GPBP1L1: variants seen among roughly 807,000 people sequenced by gnomAD.
The protein encoded by GPBP1L1 is GC-rich promoter binding protein 1 like 1.
In GPBP1L1, 23 loss-of-function variants were observed where a neutral mutation model predicts 52.5. The ratio of observed to expected loss-of-function variants is 0.44; its 90% CI spans 0.32 to 0.62. The LOEUF (loss-of-function observed/expected upper bound fraction) is 0.62, where lower values mean the gene tolerates loss of function less well. Among genes scored for constraint, GPBP1L1 ranks in the 20% least tolerant of loss-of-function variants. The pLI, the probability that GPBP1L1 is intolerant of heterozygous loss-of-function variation, is 0.06. For synonymous variants in GPBP1L1, 243 were observed against 203.1 expected (o/e 1.20, Z -1.67); for missense variants, 596 against 579.3 (o/e 1.03, Z -0.30).
chr1:45,646,691 A>G (rs375071753), intron 6 of GPBP1L1, among the ~76,000 whole-genome samples: 5 of 151,606 alleles, frequency 3.3e-5, no homozygotes, highest in East Asian at 1.9e-4. Context: ...CCGAGTAGCT[A>G]GGACTACAGG....
At position 45,653,699 on chromosome 1, in the gene GPBP1L1, T is replaced by TTCC. The variant is rs1255938541; in HGVS notation, c.477+843_477+844insGGA. ...GATTTGTTAAAATGATAATCTTTTT[T>TTCC]TTCTTTTTTTTTTTTTTGAGACAGA... On this transcript the variant is annotated intron_variant, in intron 6 of 12. Coordinates refer to ENST00000355105, the MANE Select transcript of GPBP1L1 (RefSeq NM_021639.5). Among the ~76,000 whole-genome samples, 15 of 132,632 alleles carry TTCC rather than the reference T, an allele frequency of 1.1e-4. 2 individuals are homozygous for TTCC. The highest frequency in any genetic ancestry group is 2.6e-4 in the South Asian group (1 of 3,910). 87.0% of individuals were successfully genotyped at this position (132,632 alleles called of 152,430 possible).
chr1:45,664,536 G>A (rs545319543), intron 2 of GPBP1L1, among the ~76,000 whole-genome samples: 7 of 152,262 alleles, frequency 4.6e-5, no homozygotes, highest in East Asian at 3.9e-4. Context: ...CTGCACTCCA[G>A]CTTGGGTGAC....
chr1:45,654,324 A>G, intron 6 of GPBP1L1: 1 of 421,118 alleles, frequency 2.4e-6, no homozygotes, highest in East Asian at 3.7e-5. Flanking sequence ...TCTAAATTCC[A>G]AAGACACAAA....
At chr1:45,631,635 T>C (rs932851270) in intron 10 of GPBP1L1, among the ~76,000 whole-genome samples, 2 of 152,138 alleles carry the variant, frequency 1.3e-5, no homozygotes, top group Non-Finnish European at 2.9e-5. Context: ...TCAAGAGAAT[T>C]AAAAGACAGT....
chr1:45,653,642 G>A (rs1420686724), intron 6 of GPBP1L1, among the ~76,000 whole-genome samples: 1 of 151,950 alleles, frequency 6.6e-6, no homozygotes, highest in African/African-American at 2.4e-5. Flanking sequence ...TTACAGGCAT[G>A]AGCCACTATG....
intron 6 of GPBP1L1, among the ~76,000 whole-genome samples, chr1:45,644,872 C>T (rs1047109443): frequency 6.6e-6 from 1 of 152,174 alleles, no homozygotes; most frequent in South Asian, 2.1e-4. Flanking sequence ...TAGTATACTT[C>T]CATAAATAGG....
chr1:45,642,347 A>C, intron 7 of GPBP1L1, 80 bp downstream of exon 7: 1 of 895,806 alleles, frequency 1.1e-6, no homozygotes, highest in Non-Finnish European at 1.9e-6. Flanking sequence ...AGAGATAAAA[A>C]GAGATAAGGA....
chr1:45,655,356 T>C (rs568592468), intron 4 of GPBP1L1, 37 bp from the exon 5 acceptor site: 17 of 1,609,454 alleles, frequency 1.1e-5, no homozygotes, highest in East Asian at 8.9e-5. Context: ...AATGGATAAA[T>C]AGCTATTAGT....
intron 2 of GPBP1L1, among the ~76,000 whole-genome samples, chr1:45,680,559 A>T (rs569417225): frequency 8.6e-5 from 13 of 151,478 alleles, no homozygotes; most frequent in South Asian, 4.2e-4. Flanking sequence ...TTTTTTTTTT[A>T]AAAAGAATCA....
intron 2 of GPBP1L1, among the ~76,000 whole-genome samples, chr1:45,668,850 A>ACAG (rs1308056493): frequency 1.3e-5 from 2 of 151,842 alleles, no homozygotes; most frequent in Non-Finnish European, 2.9e-5. Context: ...GTGGGCGCCT[A>ACAG]CTTGGGAGGC....
chr1:45,672,133 C>T (rs1159610053), intron 2 of GPBP1L1, among the ~76,000 whole-genome samples: 2 of 152,138 alleles, frequency 1.3e-5, no homozygotes, highest in Non-Finnish European at 1.5e-5. Context: ...GAGGCCAAGG[C>T]AGGCAAATCA....
At position 45,686,475 on chromosome 1, in the gene GPBP1L1, T is replaced by C. The variant is rs1645287323; in HGVS notation, c.-1206A>G. ...CGTCTGAGGACGCGTCCCCAGCTTG[T>C]CGACCCGGCAGAGGCGGCTAGTCCA... On this transcript the variant is annotated 5_prime_UTR_variant, in exon 1 of 13. Coordinates refer to ENST00000355105, the MANE Select transcript of GPBP1L1 (RefSeq NM_021639.5). The C allele has an allele frequency of 6.6e-6, 1 of 152,336 alleles. No individual in the cohort carries two copies. The highest frequency in any genetic ancestry group is 1.5e-5 in the Non-Finnish European group (1 of 68,144). 9.4% of individuals were successfully genotyped at this position (152,336 alleles called of 1,614,324 possible).
At chr1:45,640,065 AG>A in intron 8 of GPBP1L1, 144 bp downstream of exon 8, 1 of 523,924 alleles carries the variant, frequency 1.9e-6, no homozygotes, top group Non-Finnish European at 3.3e-6. Flanking sequence ...AAAAAAAAAA[AG>A]CAAAGAAAGC....
Position 45,628,098 on chromosome 1 carries a change from A to C in GPBP1L1, c.*158T>G. ...GATAACAGGGAAGAACAATAACAAA[A>C]GCAAAACAAGCCAATTGCTCTCTCT... On this transcript the variant is annotated 3_prime_UTR_variant, in exon 13 of 13. Transcript: ENST00000355105. 1 of 749,426 alleles carries C rather than the reference A, an allele frequency of 1.3e-6. No individual in the cohort carries two copies. Among genetic ancestry groups the C allele is most frequent in the Non-Finnish European group, 2.2e-6 (1 of 458,158 alleles). 46.4% of individuals were successfully genotyped at this position (749,426 alleles called of 1,614,324 possible). A position where few individuals can be genotyped will look rare whatever the true frequency, so the allele number is the denominator to read the frequency against.
At chr1:45,679,429 G>A (rs1422777155) in intron 2 of GPBP1L1, among the ~76,000 whole-genome samples, 1 of 152,172 alleles carries the variant, frequency 6.6e-6, no homozygotes. Flanking sequence ...CACTTCTGGT[G>A]CAAGTCCCCA....
intron 3 of GPBP1L1, 149 bp from the exon 4 acceptor site, chr1:45,659,291 GAGA>G (rs1044931977): frequency 5.6e-6 from 3 of 537,564 alleles, no homozygotes; most frequent in South Asian, 2.8e-5. Context: ...TTATAACTCA[GAGA>G]AGTTCTAAAT....
chr1:45,633,435 T>A, intron 10 of GPBP1L1, 54 bp downstream of exon 10: 8 of 1,573,886 alleles, frequency 5.1e-6, no homozygotes, highest in Non-Finnish European at 7.0e-6. Flanking sequence ...AGAAATCACG[T>A]ATGTATCAAA....
At chr1:45,680,283 G>T in intron 2 of GPBP1L1, among the ~76,000 whole-genome samples, 1 of 141,452 alleles carries the variant, frequency 7.1e-6, no homozygotes. Context: ...GTGTCACCTA[G>T]GCTGGAGTTC....
At chr1:45,628,983 A>G (rs886827290) in intron 12 of GPBP1L1, among the ~76,000 whole-genome samples, 27 of 152,272 alleles carry the variant, frequency 1.8e-4, no homozygotes, top group African/African-American at 6.5e-4. Flanking sequence ...TTTCTAACAG[A>G]GTTCTAAGTG....
Sources: allele counts gnomAD v4.1 joint callset (sites outside exome capture counted in the v4.1 genomes callset), GRCh38; gene constraint gnomAD v4.1.1; transcripts MANE v1.5; gene names NCBI Gene and HGNC (gene_info 2026-07-23, HGNC 2026-07-21).